Variants in SYN1 observed in about 807,000 individuals in gnomAD.
SYN1 encodes synapsin I, also known as synapsin-1.
In SYN1, 8 loss-of-function variants were observed where a neutral mutation model predicts 44.6. That is an observed-to-expected ratio of 0.18 (90% CI 0.11 to 0.32). The LOEUF (loss-of-function observed/expected upper bound fraction) is 0.32. Ranked by LOEUF, SYN1 falls within the 10% of genes least tolerant of loss-of-function variation. The pLI, the probability that SYN1 is intolerant of heterozygous loss-of-function variation, is 1.00. For missense variants in SYN1, 451 were observed against 639.4 expected (o/e 0.71, Z 3.18); for synonymous variants, 275 against 280.1 (o/e 0.98, Z 0.18).
chrX:47,579,360 G>A (rs1215850959), intron 5 of SYN1, among the ~76,000 whole-genome samples: 1 of 111,188 alleles, frequency 9.0e-6, no homozygotes, highest in Non-Finnish European at 1.9e-5. Flanking sequence ...AAAGCCCTAG[G>A]TCTGAATTTT....
chrX:47,609,005 GAC>G (rs757667668), intron 1 of SYN1, among the ~76,000 whole-genome samples: 1,842 of 87,085 alleles, frequency 0.021, 30 homozygotes, highest in East Asian at 0.056. Context: ...CTCTCTCTCT[GAC>G]ACACACACAC....
chrX:47,602,150 C>T (rs5953066), intron 5 of SYN1, among the ~76,000 whole-genome samples: 29,198 of 110,866 alleles, frequency 0.26, 3,080 homozygotes, highest in Non-Finnish European at 0.33. Context: ...CTATATGAGG[C>T]GGGAACTATT....
intron 5 of SYN1, chrX:47,582,488 G>T (rs1027999788): frequency 1.4e-5 from 4 of 295,074 alleles, no homozygotes; most frequent in Non-Finnish European, 2.7e-5. Flanking sequence ...AGCAGGGCCC[G>T]GGGTGGCCCA....
intron 5 of SYN1, among the ~76,000 whole-genome samples, chrX:47,580,153 G>C (rs1348009309): frequency 9.5e-6 from 1 of 105,598 alleles, no homozygotes; most frequent in Non-Finnish European, 1.9e-5. Context: ...GATTAAATGA[G>C]ATAATGTCTG....
intron 1 of SYN1, among the ~76,000 whole-genome samples, chrX:47,611,904 A>G (rs1366263584): frequency 8.9e-6 from 1 of 111,912 alleles, no homozygotes; most frequent in Non-Finnish European, 1.9e-5. Flanking sequence ...TCCACCATGA[A>G]GAGGAAAGCA....
At chrX:47,594,009 T>C in intron 5 of SYN1, among the ~76,000 whole-genome samples, 1 of 111,790 alleles carries the variant, frequency 8.9e-6, no homozygotes, top group Admixed American at 9.5e-5. Context: ...GGCAGGTAGA[T>C]CGCTCAGGCT....
intron 1 of SYN1, among the ~76,000 whole-genome samples, chrX:47,608,858 GAC>G (rs2057907920): frequency 1.0e-5 from 1 of 100,362 alleles, no homozygotes; most frequent in Non-Finnish European, 2.0e-5. Context: ...ACTGGTCACT[GAC>G]ACACATACAA....
intron 4 of SYN1, 52 bp downstream of exon 4, chrX:47,605,171 C>T: frequency 8.3e-7 from 1 of 1,204,964 alleles, no homozygotes; most frequent in Admixed American, 2.2e-5. Flanking sequence ...CAAGCTCCCA[C>T]ATACATGCAT....
At chrX:47,575,522 C>T (rs1433303721) in intron 9 of SYN1, among the ~76,000 whole-genome samples, 1 of 112,209 alleles carries the variant, frequency 8.9e-6, no homozygotes, top group Non-Finnish European at 1.9e-5. Context: ...TCTGTATGAC[C>T]CAGAGCTAAG....
At position 47,592,307 on chromosome X, in the gene SYN1, C is replaced by T. The variant is rs373904134; in HGVS notation, c.774+12671G>A. On this transcript the variant is annotated intron_variant, in intron 5 of 12. Transcript: ENST00000295987. Reference sequence around the variant, plus strand: ...GAGCTACAATCATGCCACTGCACTCCGGCCTGGGCAATACAGCAAGATTTT... The same window carrying T: ...GAGCTACAATCATGCCACTGCACTCTGGCCTGGGCAATACAGCAAGATTTT... Among the ~76,000 whole-genome samples, 11 of 108,402 alleles carry T rather than the reference C, an allele frequency of 1.0e-4. No individual in the cohort carries two copies. In the East Asian group the frequency reaches 2.6e-3, roughly 25 times the overall value. The allele number at this position is 108,402 out of a possible 115,157, so 94.1% of individuals were successfully genotyped here. A position where few individuals can be genotyped will look rare whatever the true frequency, so the allele number is the denominator to read the frequency against.
chrX:47,619,627 C>T lies in SYN1; in HGVS notation c.102G>A (p.Pro34=), dbSNP rs1024695934. Residue 34 remains proline, a synonymous_variant, in exon 1 of 13, where the codon CCG becomes CCA. Transcript: ENST00000295987. ...TGGCTCCGGGGCTGTGGGCACCGGGCGGCGGTGGGGGCGGCTGCGGACGCT... is the reference window on the plus strand; with the variant it reads ...TGGCTCCGGGGCTGTGGGCACCGGGTGGCGGTGGGGGCGGCTGCGGACGCT... ...DLQRPQPPPP[P]PGAHSPGATP... is the part of the protein sequence containing the mutation. The T allele has an allele frequency of 8.6e-7, 1 of 1,159,502 alleles. No individual in the cohort carries two copies. Among genetic ancestry groups the T allele is most frequent in the Non-Finnish European group, 1.2e-6 (1 of 868,685 alleles).
intron 9 of SYN1, among the ~76,000 whole-genome samples, chrX:47,575,894 C>T (rs1050924121): frequency 8.9e-6 from 1 of 112,062 alleles, no homozygotes; most frequent in African/African-American, 3.3e-5. Flanking sequence ...TGTCTCGATT[C>T]GCAGAGCACT....
chrX:47,607,083 T>A (rs756324377), intron 2 of SYN1, 47 bp from the exon 3 acceptor site: 3 of 1,206,629 alleles, frequency 2.5e-6, no homozygotes, highest in Non-Finnish European at 3.4e-6. Context: ...CACACAAAAA[T>A]GGCCACTCAG....
intron 1 of SYN1, among the ~76,000 whole-genome samples, chrX:47,609,870 G>A (rs2057911856): frequency 1.8e-5 from 2 of 111,486 alleles, no homozygotes; most frequent in South Asian, 7.5e-4. Flanking sequence ...AGAATACAGC[G>A]CAGGCCCCCA....
chrX:47,591,720 CAA>C (rs150642282), intron 5 of SYN1, among the ~76,000 whole-genome samples: 31 of 90,552 alleles, frequency 3.4e-4, no homozygotes, highest in East Asian at 1.0e-3. Context: ...CACCCTGTCT[CAA>C]AAAAAAAAAA....
intron 1 of SYN1, among the ~76,000 whole-genome samples, chrX:47,611,271 T>C (rs1011006794): frequency 3.6e-5 from 4 of 111,803 alleles, no homozygotes; most frequent in East Asian, 2.8e-4. Flanking sequence ...CAATGCCACA[T>C]TGAAAGATCT....
chrX:47,599,429 A>G (rs2057873393), intron 5 of SYN1, among the ~76,000 whole-genome samples: 1 of 112,669 alleles, frequency 8.9e-6, no homozygotes, highest in Non-Finnish European at 1.9e-5. Context: ...GAATCATCTG[A>G]ATCATCAGAA....
At chrX:47,609,955 G>A in intron 1 of SYN1, among the ~76,000 whole-genome samples, 1 of 111,484 alleles carries the variant, frequency 9.0e-6, no homozygotes, top group East Asian at 2.8e-4. Context: ...TGTACTGGAT[G>A]GTGAAATATC....
At chrX:47,619,285 T>C in intron 1 of SYN1, 67 bp downstream of exon 1, 2 of 1,188,259 alleles carry the variant, frequency 1.7e-6, no homozygotes, top group Admixed American at 2.2e-5. Context: ...CGCTCGATAA[T>C]TGCTCATTCG....
Sources: allele counts gnomAD v4.1 joint callset (sites outside exome capture counted in the v4.1 genomes callset), GRCh38; gene constraint gnomAD v4.1.1; transcripts MANE v1.5; gene names NCBI Gene and HGNC (gene_info 2026-07-23, HGNC 2026-07-21).